Variants in BBS9 observed in about 807,000 individuals in gnomAD.
BBS9 encodes Bardet-Biedl syndrome 9.
In BBS9, 89 loss-of-function variants were observed where a neutral mutation model predicts 117.7. The observed-to-expected ratio is 0.76, with a 90% confidence interval of 0.64 to 0.90. The LOEUF is 0.90. BBS9 is among the 40% of genes least tolerant of loss of function. BBS9 has a pLI of 0.00. For synonymous variants in BBS9, 379 were observed against 370.9 expected (o/e 1.02, Z -0.25); for missense variants, 982 against 1,042.2 (o/e 0.94, Z 0.80).
chr7:33,505,829 G>A lies in BBS9; in HGVS notation c.2298+184G>A. 4.6e-6 allele frequency: 3 copies of A among 647,334 alleles called. 1 individual carries two copies. The highest frequency in any genetic ancestry group is 3.9e-5 in the South Asian group (2 of 51,508). The allele number at this position is 647,334 out of a possible 1,614,324, so 40.1% of individuals were successfully genotyped here. A position where few individuals can be genotyped will look rare whatever the true frequency, so the allele number is the denominator to read the frequency against. On this transcript the variant is annotated intron_variant, in intron 20 of 22. Coordinates refer to ENST00000242067, the MANE Select transcript of BBS9 (RefSeq NM_198428.3). ...TCAAACAAAGGCCTTTTTCTGTAGAGCTATTTTAAGAATAGGTATATAGTC... is the reference window on the plus strand; with the variant it reads ...TCAAACAAAGGCCTTTTTCTGTAGAACTATTTTAAGAATAGGTATATAGTC...
rs562065776 is a variant in BBS9 at position 33,524,540 on chromosome 7, G to A, written c.2299-9414G>A. Among the ~76,000 whole-genome samples the A allele has an allele frequency of 5.6e-3, 857 of 152,294 alleles. 7 individuals carry two copies. Among genetic ancestry groups the A allele is most frequent in the African/African-American group, 0.018 (758 of 41,554 alleles). ...AGATTTTCTAGTTTATTTGCGTAGA[G>A]GTGTTTGCAGTATTCTCTGATGGTA... is the stretch of plus-strand genomic sequence containing the variant. On this transcript the variant is annotated intron_variant, in intron 20 of 22. Transcript: ENST00000242067.
At chr7:33,440,507 A>T (rs1440546355) in intron 19 of BBS9, among the ~76,000 whole-genome samples, 4 of 152,178 alleles carry the variant, frequency 2.6e-5, no homozygotes, top group Admixed American at 2.6e-4. Flanking sequence ...CTTGGTGGGG[A>T]TGCTACTGTG....
At chr7:33,344,539 T>A (rs373595531) in intron 11 of BBS9, 42 bp from the exon 12 acceptor site, 1 of 1,584,194 alleles carries the variant, frequency 6.3e-7, no homozygotes, top group Admixed American at 1.7e-5. Context: ...CTGTGTAATA[T>A]TGACATCATT....
chr7:33,526,463 TC>T (rs1232894613), intron 20 of BBS9, among the ~76,000 whole-genome samples: 2 of 151,950 alleles, frequency 1.3e-5, no homozygotes, highest in African/African-American at 4.8e-5. Context: ...TATTCTTTTT[TC>T]TCTAAACTTC....
At chr7:33,367,635 T>G in intron 16 of BBS9, 132 bp from the exon 17 acceptor site, 1 of 748,984 alleles carries the variant, frequency 1.3e-6, no homozygotes, top group African/African-American at 1.7e-5. Context: ...GTGAATATAT[T>G]ATAGCTCACA....
intron 19 of BBS9, among the ~76,000 whole-genome samples, chr7:33,434,275 T>G (rs565985096): frequency 1.3e-5 from 2 of 150,252 alleles, no homozygotes. Flanking sequence ...ATTTCCTGTT[T>G]GCTAAAAAAA....
chr7:33,443,735 C>A (rs532349115), intron 19 of BBS9, among the ~76,000 whole-genome samples: 4 of 152,162 alleles, frequency 2.6e-5, no homozygotes, highest in Non-Finnish European at 4.4e-5. Context: ...TTTGTAATCA[C>A]GCCAAAATGG....
At position 33,548,847 on chromosome 7, in the gene BBS9, C is replaced by G. The variant is rs561985232; in HGVS notation, c.2521+14671C>G. On this transcript the variant is annotated intron_variant, in intron 21 of 22. Transcript: ENST00000242067. Reference sequence around the variant, plus strand: ...AATCAATATCGTGAAAATGGCCATACTGCCCAAGGTAATTTACAGATTCAA... The same window carrying G: ...AATCAATATCGTGAAAATGGCCATAGTGCCCAAGGTAATTTACAGATTCAA... Among the ~76,000 whole-genome samples, 144 of 150,210 alleles carry G rather than the reference C, an allele frequency of 9.6e-4. No homozygotes were observed. The East Asian group carries it at 0.024, about 25-fold the overall frequency.
In BBS9 at chr7:33,239,424, T is replaced by G. The variant is rs2128280059; in HGVS notation, c.443-17812T>G. Among the ~76,000 whole-genome samples, 2 of 152,086 alleles carry G rather than the reference T, an allele frequency of 1.3e-5. 1 individual carries two copies. Among genetic ancestry groups the G allele is most frequent in the South Asian group, 4.2e-4 (2 of 4,816 alleles). Reference sequence around the variant, plus strand: ...GGTGGGTTATCTTTTTAACTTTTTTTTTTTGAGACAGAGTCTTGCTCTGTC... The same window carrying G: ...GGTGGGTTATCTTTTTAACTTTTTTGTTTTGAGACAGAGTCTTGCTCTGTC... On this transcript the variant is annotated intron_variant, in intron 5 of 22. Transcript: ENST00000242067.
At chr7:33,188,995 C>T (rs1783605820) in intron 5 of BBS9, among the ~76,000 whole-genome samples, 1 of 152,038 alleles carries the variant, frequency 6.6e-6, no homozygotes, top group South Asian at 2.1e-4. Flanking sequence ...AAAAATTTGA[C>T]CTGAATACAT....
chr7:33,294,311 A>ATCTATCTG (rs1458461795), intron 9 of BBS9, among the ~76,000 whole-genome samples: 4 of 113,412 alleles, frequency 3.5e-5, no homozygotes, highest in African/African-American at 1.6e-4. Flanking sequence ...CTATCTATCT[A>ATCTATCTG]TCTATCTATC....
chr7:33,534,644 G>A (rs1851087068), intron 21 of BBS9, among the ~76,000 whole-genome samples: 2 of 152,204 alleles, frequency 1.3e-5, no homozygotes, highest in African/African-American at 2.4e-5. Flanking sequence ...TGAGGATCAA[G>A]AGATGTGAGC....
chr7:33,354,628 G>A (rs866357289), intron 15 of BBS9, among the ~76,000 whole-genome samples: 1 of 152,034 alleles, frequency 6.6e-6, no homozygotes, highest in South Asian at 2.1e-4. Flanking sequence ...ATATAGGTAT[G>A]GTTATTTTAT....
At chr7:33,544,859 G>T (rs993400086) in intron 21 of BBS9, among the ~76,000 whole-genome samples, 1 of 152,004 alleles carries the variant, frequency 6.6e-6, no homozygotes, top group African/African-American at 2.4e-5. Flanking sequence ...TCCTTGAGGG[G>T]GTCTTGTTGC....
rs192384077 is a variant in BBS9 at position 33,137,223 on chromosome 7, G to A, written c.-12+7182G>A. On this transcript the variant is annotated intron_variant, in intron 1 of 22. Transcript: ENST00000242067. ...CCGGGTTGCGACAGCACCTGGGCTC[G>A]GCTTCAACTTTGGTTCGAAATTGGA... Among the ~76,000 whole-genome samples the A allele has an allele frequency of 6.7e-4, 102 of 152,292 alleles. 1 individual carries two copies. Among genetic ancestry groups the A allele is most frequent in the African/African-American group, 2.3e-3 (97 of 41,560 alleles).
intron 19 of BBS9, among the ~76,000 whole-genome samples, chr7:33,453,390 G>C (rs1315365047): frequency 6.6e-6 from 1 of 152,088 alleles, no homozygotes; most frequent in Admixed American, 6.6e-5. Context: ...TTGTGCCTCT[G>C]CCACCTCAGA....
chr7:33,445,535 A>T (rs1166447389), intron 19 of BBS9, among the ~76,000 whole-genome samples: 1 of 152,216 alleles, frequency 6.6e-6, no homozygotes, highest in African/African-American at 2.4e-5. Flanking sequence ...AGATTGAGAA[A>T]TTGAGGTATA....
intron 1 of BBS9, among the ~76,000 whole-genome samples, chr7:33,145,672 G>A (rs1307663182): frequency 6.6e-6 from 1 of 152,178 alleles, no homozygotes; most frequent in Non-Finnish European, 1.5e-5. Flanking sequence ...GGCCCTCCGT[G>A]TCCCCGGGTT....
intron 18 of BBS9, 43 bp from the exon 19 acceptor site, chr7:33,387,949 T>A (rs747846129): frequency 6.3e-7 from 1 of 1,597,290 alleles, no homozygotes. Flanking sequence ...AAAGATGTTT[T>A]TTGTGTCCAT....
Sources: gnomAD v4.1 joint callset for allele counts (sites outside exome capture counted in the v4.1 genomes callset) on GRCh38, gnomAD v4.1.1 for gene constraint, MANE v1.5 for transcripts, NCBI Gene and HGNC (gene_info 2026-07-23, HGNC 2026-07-21) for gene names.